The following CDH4 variants were observed in gnomAD, a reference collection of about 807,000 sequenced individuals.
The protein encoded by CDH4 is cadherin-4.
Under a neutral mutation model 86.0 loss-of-function variants are expected in CDH4, and 33 were observed. The observed-to-expected ratio is 0.38, with a 90% CI of 0.29 to 0.51. The LOEUF is 0.51. CDH4 is among the 20% of genes least tolerant of loss of function. The pLI, the probability that CDH4 is intolerant of heterozygous loss-of-function variation, is 0.86. For missense variants in CDH4, 1,114 were observed against 1,307.4 expected (o/e 0.85, Z 2.28); for synonymous variants, 555 against 549.4 (o/e 1.01, Z -0.14).
chr20:61,686,969 C>G (rs976997486), intron 2 of CDH4, among the ~76,000 whole-genome samples: 1 of 151,772 alleles, frequency 6.6e-6, no homozygotes, highest in Non-Finnish European at 1.5e-5. Context: ...TCTGCTCCCC[C>G]GACTAGCAAG....
At chr20:61,550,215 C>T (rs959911976) in intron 2 of CDH4, among the ~76,000 whole-genome samples, 6 of 149,612 alleles carry the variant, frequency 4.0e-5, no homozygotes, top group African/African-American at 1.5e-4. Flanking sequence ...AGCCTGTTTC[C>T]CTGGCCTCCC....
At chr20:61,566,942 T>C (rs947156695) in intron 2 of CDH4, among the ~76,000 whole-genome samples, 1 of 152,168 alleles carries the variant, frequency 6.6e-6, no homozygotes, top group Non-Finnish European at 1.5e-5. Context: ...AGCACACGGC[T>C]GTTGCCAGCG....
rs1291186901 is a variant in CDH4 at position 61,516,759 on chromosome 20, C to T, written c.170-226804C>T. On this transcript the variant is annotated intron_variant, in intron 2 of 15. Coordinates refer to ENST00000614565, the MANE Select transcript of CDH4 (RefSeq NM_001794.5). The surrounding 1 kb of genome is among the most constrained non-coding windows in gnomAD (Gnocchi z 4.0). ...AGCAGGCACTAAAAATAACCAGGCTCCGTTCCCAGGTCAGTGAGTGTCGGT... is the reference window on the plus strand; with the variant it reads ...AGCAGGCACTAAAAATAACCAGGCTTCGTTCCCAGGTCAGTGAGTGTCGGT... Among the ~76,000 whole-genome samples the T allele has an allele frequency of 6.6e-6, 1 of 152,198 alleles. No homozygotes were observed. The highest frequency in any genetic ancestry group is 1.5e-5 in the Non-Finnish European group (1 of 68,034).
At chr20:61,451,125 C>T (rs1004510820) in intron 2 of CDH4, among the ~76,000 whole-genome samples, 1 of 98,422 alleles carries the variant, frequency 1.0e-5, no homozygotes, top group Non-Finnish European at 2.1e-5. Flanking sequence ...CTCTCACGCC[C>T]CCCCCCTTCC....
chr20:61,462,956 C>G (rs879417178), intron 2 of CDH4, among the ~76,000 whole-genome samples: 1 of 152,156 alleles, frequency 6.6e-6, no homozygotes, highest in Non-Finnish European at 1.5e-5. Flanking sequence ...TAAATCTCAC[C>G]TTGAATTGTA....
intron 2 of CDH4, among the ~76,000 whole-genome samples, chr20:61,665,278 G>C (rs1279489342): frequency 6.6e-6 from 1 of 152,372 alleles, no homozygotes; most frequent in African/African-American, 2.4e-5. Context: ...TGCCACCAGG[G>C]CTCCCGCCCT....
At chr20:61,278,525 G>A (rs1054911805) in intron 2 of CDH4, among the ~76,000 whole-genome samples, 3 of 152,242 alleles carry the variant, frequency 2.0e-5, no homozygotes, top group Non-Finnish European at 4.4e-5. Flanking sequence ...GCTGCATGGT[G>A]CAGCTGCCCC....
At position 61,869,101 on chromosome 20, in the gene CDH4, G is replaced by C. The variant is rs1191942344; in HGVS notation, c.878-4627G>C. ...GAGACTAAGTCTTTCCTATGATTTTGATGGTAAAACATTATTTTCCTTTCA... is the reference window on the plus strand; with the variant it reads ...GAGACTAAGTCTTTCCTATGATTTTCATGGTAAAACATTATTTTCCTTTCA... On this transcript the variant is annotated intron_variant, in intron 6 of 15. Transcript: ENST00000614565. 2.0e-5 allele frequency among the ~76,000 whole-genome samples: 3 copies of C among 152,236 alleles called. No individual in the cohort carries two copies. In the East Asian group the frequency reaches 5.8e-4, roughly 29 times the overall value.
intron 8 of CDH4, among the ~76,000 whole-genome samples, chr20:61,898,132 C>T (rs1008375197): frequency 3.3e-5 from 5 of 152,156 alleles, no homozygotes; most frequent in African/African-American, 7.2e-5. Context: ...GCAGGAGCCC[C>T]GGGACACTGT....
Position 61,647,525 on chromosome 20 carries a change from T to TCTCTCTCTCTC in CDH4, c.170-96038_170-96037insCTCTCTCTCTC, listed in dbSNP as rs1444445171. 1.0e-4 allele frequency among the ~76,000 whole-genome samples: 7 copies of TCTCTCTCTCTC among 69,750 alleles called. 1 individual carries two copies. Among genetic ancestry groups the TCTCTCTCTCTC allele is most frequent in the Admixed American group, 5.6e-4 (4 of 7,144 alleles). 45.8% of individuals were successfully genotyped at this position (69,750 alleles called of 152,430 possible). ...AAACACATCAGTATGCACACACATA[T>TCTCTCTCTCTC]TCTCTCTCCCTCTCCCTCTCCCTCT... On this transcript the variant is annotated intron_variant, in intron 2 of 15. Coordinates refer to ENST00000614565, the MANE Select transcript of CDH4 (RefSeq NM_001794.5).
chr20:61,285,561 G>A (rs1045585100), intron 2 of CDH4, among the ~76,000 whole-genome samples: 3 of 152,176 alleles, frequency 2.0e-5, no homozygotes, highest in South Asian at 2.1e-4. Context: ...ATTTTTTGCC[G>A]GGCAGATAAT....
chr20:61,590,604 G>A (rs965513511), intron 2 of CDH4, among the ~76,000 whole-genome samples: 1 of 152,320 alleles, frequency 6.6e-6, no homozygotes. Context: ...AGGAGAGGGG[G>A]CTGGACAGGG....
At chr20:61,560,089 G>A (rs535655312) in intron 2 of CDH4, among the ~76,000 whole-genome samples, 7 of 152,260 alleles carry the variant, frequency 4.6e-5, no homozygotes, top group East Asian at 1.9e-4. Flanking sequence ...CTCGAACTTC[G>A]GAGTCGCTTG....
chr20:61,816,185 C>T (rs979134427), intron 4 of CDH4, among the ~76,000 whole-genome samples: 6 of 152,186 alleles, frequency 3.9e-5, no homozygotes, highest in African/African-American at 1.2e-4. Context: ...GTGCCACCAT[C>T]ATCTTCCCAA....
chr20:61,388,288 T>A (rs930364549), intron 2 of CDH4, among the ~76,000 whole-genome samples: 13 of 146,128 alleles, frequency 8.9e-5, no homozygotes, highest in Admixed American at 3.4e-4. Flanking sequence ...GGTAGGGGGG[T>A]GTGGGGTTGA....
chr20:61,537,106 G>A (rs986548196), intron 2 of CDH4, among the ~76,000 whole-genome samples: 7 of 152,192 alleles, frequency 4.6e-5, no homozygotes, highest in African/African-American at 9.6e-5. Context: ...GATGCCAGGC[G>A]TCATGCCATT....
intron 2 of CDH4, among the ~76,000 whole-genome samples, chr20:61,331,961 A>G (rs1043570296): frequency 2.6e-5 from 4 of 152,140 alleles, no homozygotes. Flanking sequence ...TGCGCCCCAC[A>G]GGGAAGGGAG....
At chr20:61,793,700 C>A (rs910973855) in intron 4 of CDH4, among the ~76,000 whole-genome samples, 1 of 151,872 alleles carries the variant, frequency 6.6e-6, no homozygotes, top group Non-Finnish European at 1.5e-5. Flanking sequence ...ATTAGCTGGG[C>A]ATGGTGGCAG....
intron 3 of CDH4, among the ~76,000 whole-genome samples, chr20:61,768,073 A>G (rs910307442): frequency 5.9e-5 from 9 of 152,184 alleles, no homozygotes; most frequent in African/African-American, 2.2e-4. Flanking sequence ...ACCCTCCTGG[A>G]CGCTGCTAGT....
Sources: gnomAD v4.1 joint callset for allele counts (sites outside exome capture counted in the v4.1 genomes callset) on GRCh38, gnomAD v4.1.1 for gene constraint, Gnocchi (gnomAD v3.1) non-coding constraint, MANE v1.5 for transcripts, NCBI Gene and HGNC (gene_info 2026-07-23, HGNC 2026-07-21) for gene names.